Variants in LIPA observed in about 807,000 individuals in gnomAD.
LIPA encodes the protein lysosomal acid lipase/cholesteryl ester hydrolase.
LIPA carries 26 observed loss-of-function variants against 40.6 expected under a neutral mutation model. The ratio of observed to expected loss-of-function variants is 0.64; its 90% CI spans 0.47 to 0.89. LIPA has a LOEUF of 0.89. Ranked by LOEUF, LIPA falls within the 40% of genes least tolerant of loss-of-function variation. LIPA has a pLI of 0.00. For synonymous variants in LIPA, 188 were observed against 168.4 expected (o/e 1.12, Z -0.90); for missense variants, 455 against 479.6 (o/e 0.95, Z 0.48).
chr10:89,277,970 A>C (rs879729519), intron 1 of LIPA: 1 of 152,184 alleles, frequency 6.6e-6, no homozygotes, highest in Non-Finnish European at 1.5e-5. Flanking sequence ...ACAGGGGTCT[A>C]CATAATACGA....
chr10:89,407,448 CATA>C (rs202079763), intron 2 of LIPA, among the ~76,000 whole-genome samples: 2,399 of 152,276 alleles, frequency 0.016, 29 homozygotes, highest in Non-Finnish European at 0.027. Context: ...ATGAGAAAGA[CATA>C]ATTTTTGCCC....
Position 89,355,521 on chromosome 10 carries a change from A to G in LIPA, c.61+57270T>C, listed in dbSNP as rs376074316. 6.3e-4 allele frequency among the ~76,000 whole-genome samples: 96 copies of G among 152,356 alleles called. 1 individual carries two copies. In the South Asian group the frequency reaches 0.015, roughly 24 times the overall value. On this transcript the variant is annotated intron_variant, in intron 2 of 8. Coordinates refer to the LIPA transcript ENST00000371837. Reference sequence around the variant, plus strand: ...CTTCAGTTGAAATTATAAAGGATACAACTATTAGAGACATTTGAACCAGAG... The same window carrying G: ...CTTCAGTTGAAATTATAAAGGATACGACTATTAGAGACATTTGAACCAGAG...
rs765101384 is a variant in LIPA at position 89,306,142 on chromosome 10, C to A, written c.-2+36469G>T. On this transcript the variant is annotated intron_variant, in intron 1 of 5. Transcript: ENST00000282673. ...GCAACCTACTGGCCTATCTAAAGCA[C>A]CTCAAAGGGCAAAACGAGGCAGCCC... is the stretch of plus-strand genomic sequence containing the variant. 12 of 1,613,972 alleles carry A rather than the reference C, an allele frequency of 7.4e-6. No homozygotes were observed. Among genetic ancestry groups the A allele is most frequent in the Non-Finnish European group, 1.0e-5 (12 of 1,179,990 alleles).
Position 89,251,765 on chromosome 10 carries a change from C to T in LIPA, c.-30G>A, listed in dbSNP as rs1843126593. On this transcript the variant is annotated 5_prime_UTR_variant, in exon 1 of 10. Coordinates refer to ENST00000336233, the MANE Select transcript of LIPA (RefSeq NM_000235.4). Reference sequence around the variant, plus strand: ...GAGCTGTCCTGCCGGGCCGCTGTCTCGAGTCGCAGTGCCAGCTCTCAGGGG... The same window carrying T: ...GAGCTGTCCTGCCGGGCCGCTGTCTTGAGTCGCAGTGCCAGCTCTCAGGGG... The T allele has an allele frequency of 6.6e-6, 1 of 152,300 alleles. No homozygotes were observed. Among genetic ancestry groups the T allele is most frequent in the Admixed American group, 6.5e-5 (1 of 15,286 alleles). The allele number at this position is 152,300 out of a possible 1,614,324, so 9.4% of individuals were successfully genotyped here.
intron 1 of LIPA, among the ~76,000 whole-genome samples, chr10:89,272,291 CTA>C (rs1189495842): frequency 6.6e-6 from 1 of 152,024 alleles, no homozygotes; most frequent in East Asian, 1.9e-4. Flanking sequence ...TTGTTCCCCT[CTA>C]TGTGTCCATG....
intron 1 of LIPA, among the ~76,000 whole-genome samples, chr10:89,275,048 C>A (rs543444725): frequency 2.6e-5 from 4 of 152,300 alleles, no homozygotes; most frequent in African/African-American, 7.2e-5. Context: ...ACTGTCGGGG[C>A]TTTATAATAA....
chr10:89,266,216 C>T (rs983440057), intron 1 of LIPA, among the ~76,000 whole-genome samples: 6 of 152,154 alleles, frequency 3.9e-5, no homozygotes, highest in Admixed American at 1.3e-4. Flanking sequence ...AGTGATGCTA[C>T]GGTGCTGTTT....
chr10:89,318,806 G>C (rs1843555594), intron 1 of LIPA, among the ~76,000 whole-genome samples: 1 of 152,090 alleles, frequency 6.6e-6, no homozygotes. Context: ...TGACCACATA[G>C]TTGGAAGTAA....
At chr10:89,237,460 A>AT (rs1414920383) in intron 3 of LIPA, among the ~76,000 whole-genome samples, 22 of 147,554 alleles carry the variant, frequency 1.5e-4, no homozygotes, top group African/African-American at 1.6e-4. Flanking sequence ...TAACAAAAAA[A>AT]AATATATATA....
rs1842967389 is a variant in LIPA at position 89,241,724 on chromosome 10, TCA to T, written c.229+3950_229+3951del. Reference sequence around the variant, plus strand: ...TGCTGAAGGCAGTCATTCCAGGCTTTCACAGTCTAGAGTGCCACTTCACCCAC... The same window carrying T: ...TGCTGAAGGCAGTCATTCCAGGCTTTCAGTCTAGAGTGCCACTTCACCCAC... On this transcript the variant is annotated intron_variant, in intron 3 of 9. Transcript: ENST00000336233. 4.6e-5 allele frequency among the ~76,000 whole-genome samples: 7 copies of T among 152,132 alleles called. No homozygotes were observed. The South Asian group carries it at 1.4e-3, about 31-fold the overall frequency.
chr10:89,303,352 G>C (rs920408884), intron 1 of LIPA, among the ~76,000 whole-genome samples: 3 of 152,198 alleles, frequency 2.0e-5, no homozygotes, highest in Admixed American at 6.5e-5. Flanking sequence ...TTTCTAAAAG[G>C]CTCCTCAGTG....
At chr10:89,412,734 C>T (rs774170665) in intron 2 of LIPA, 1 of 439,004 alleles carries the variant, frequency 2.3e-6, no homozygotes, top group East Asian at 7.7e-5. Flanking sequence ...AGATCTGTAA[C>T]ACTCACTGTG....
Position 89,379,986 on chromosome 10 carries a change from G to A in LIPA, c.61+32805C>T, listed in dbSNP as rs187631128. Among the ~76,000 whole-genome samples, 95 of 150,500 alleles carry A rather than the reference G, an allele frequency of 6.3e-4. 1 individual carries two copies. The highest frequency in any genetic ancestry group is 2.2e-3 in the African/African-American group (90 of 40,838). On this transcript the variant is annotated intron_variant, in intron 2 of 8. Coordinates refer to the LIPA transcript ENST00000371837. ...GGAGGCGGAGCTTGAAGTGAGCCGA[G>A]ATTGCACCACTGCACTCCAGCCTGG...
In LIPA at chr10:89,368,926, T is replaced by TCACACACACACACACA. The variant is rs3063812; in HGVS notation, c.61+43849_61+43864dup. 3.2e-4 allele frequency among the ~76,000 whole-genome samples: 47 copies of TCACACACACACACACA among 148,824 alleles called. 1 individual carries two copies. Among genetic ancestry groups the TCACACACACACACACA allele is most frequent in the African/African-American group, 1.1e-3 (45 of 40,846 alleles). On this transcript the variant is annotated intron_variant, in intron 2 of 8. Coordinates refer to the LIPA transcript ENST00000371837. ...ACACTCACAAACACAAACACAAAAC[T>TCACACACACACACACA]CACACACACACACACACACACACAC...
chr10:89,384,090 G>A, intron 2 of LIPA: 1 of 1,614,164 alleles, frequency 6.2e-7, no homozygotes, highest in East Asian at 2.2e-5. Context: ...ATGCAGCCAA[G>A]TTTTATCGAA....
rs542426129 is a variant in LIPA at position 89,339,809 on chromosome 10, G to A, written c.-2+2802C>T. On this transcript the variant is annotated intron_variant, in intron 1 of 5. Transcript: ENST00000282673. ...ACTGCTGTGCAACATGGTTTAGAGG[G>A]TTTGTCCATAAGCAAAAAATCAACT... is the stretch of plus-strand genomic sequence containing the variant. The A allele has an allele frequency of 1.9e-6, 3 of 1,614,176 alleles. No individual in the cohort carries two copies. The highest frequency in any genetic ancestry group is 2.5e-6 in the Non-Finnish European group (3 of 1,180,022).
rs777273650 is a variant in LIPA, at chr10:89,297,844, G to T, written c.-2+44767C>A. Among the ~76,000 whole-genome samples, 57 of 152,314 alleles carry T rather than the reference G, an allele frequency of 3.7e-4. 1 individual carries two copies. Among genetic ancestry groups the T allele is most frequent in the Middle Eastern group, 3.4e-3 (1 of 294 alleles). The stretch of plus-strand genomic sequence containing the variant: ...ACTGATGCTACTACCAGAGGCTGGG[G>T]CAGGGAAGCCAGATGGCCGCCTGTC... On this transcript the variant is annotated intron_variant, in intron 1 of 5. Transcript: ENST00000282673.
chr10:89,304,770 T>C (rs1388953005), intron 1 of LIPA, among the ~76,000 whole-genome samples: 1 of 152,100 alleles, frequency 6.6e-6, no homozygotes, highest in Non-Finnish European at 1.5e-5. Context: ...TTTGTTGTTG[T>C]TTTGTTTTGT....
At chr10:89,319,480 T>C (rs1479153713) in intron 1 of LIPA, among the ~76,000 whole-genome samples, 2 of 152,214 alleles carry the variant, frequency 1.3e-5, no homozygotes, top group Non-Finnish European at 2.9e-5. Flanking sequence ...GATAAATTCA[T>C]GGACACATAC....
Sources: gnomAD v4.1 joint callset for allele counts (sites outside exome capture counted in the v4.1 genomes callset) on GRCh38, gnomAD v4.1.1 for gene constraint, MANE v1.5 for transcripts, NCBI Gene and HGNC (gene_info 2026-07-23, HGNC 2026-07-21) for gene names.